FBXO34: variants seen among roughly 807,000 people sequenced by gnomAD.
FBXO34 encodes the protein F-box only protein 34.
In FBXO34, 12 loss-of-function variants were observed where a neutral mutation model predicts 24.5. The observed-to-expected ratio is 0.49, with a 90% confidence interval of 0.31 to 0.79. FBXO34 has a LOEUF of 0.79. FBXO34 is among the 30% of genes least tolerant of loss of function. The probability of loss-of-function intolerance (pLI) is 0.04; values close to 1 mark genes in which losing one functional copy is unlikely to be tolerated. For missense variants in FBXO34, 823 were observed against 857.7 expected, an observed-to-expected ratio of 0.96 and a Z score of 0.51; for synonymous variants, 320 against 311.9, an observed-to-expected ratio of 1.03 and a Z score of -0.27.
the FBXO34 span, among the ~76,000 whole-genome samples, chr14:55,386,668 C>G: frequency 2.6e-5 from 4 of 152,272 alleles, no homozygotes; most frequent in African/African-American, 9.6e-5. Flanking sequence ...GACACGCATG[C>G]CCAGCATTTT....
chr14:55,381,512 GATGA>G, the FBXO34 span, among the ~76,000 whole-genome samples: 7 of 152,136 alleles, frequency 4.6e-5, no homozygotes, highest in South Asian at 2.1e-4. Flanking sequence ...TCCATCAAGT[GATGA>G]ATGAATAAAT....
At chr14:55,417,803 A>G in the FBXO34 span, among the ~76,000 whole-genome samples, 1 of 152,212 alleles carries the variant, frequency 6.6e-6, no homozygotes, top group Non-Finnish European at 1.5e-5. Context: ...GGGAATAAAT[A>G]CCATTCCTAA....
the FBXO34 span, among the ~76,000 whole-genome samples, chr14:55,375,959 A>T: frequency 6.6e-6 from 1 of 152,242 alleles, no homozygotes; most frequent in Non-Finnish European, 1.5e-5. Flanking sequence ...ACTTGCTAGT[A>T]ATTTTCCCCC....
chr14:55,350,534 T>C lies in FBXO34; in HGVS notation c.144T>C (p.Phe48=). The change falls in exon 2 of 2, where the codon TTT becomes TTC. Residue 48 remains phenylalanine, a synonymous_variant. Transcript: ENST00000313833. ...CTAGCCACATAACATCAAGTGTCTT[T>C]CCTTCAGCCTCTCTCGGTAAAGCAT... The part of the protein sequence containing the change: ...CKASHITSSV[F]PSASLGKASS... 1 of 1,613,756 alleles carries C rather than the reference T, an allele frequency of 6.2e-7. No individual in the cohort carries two copies. The highest frequency in any genetic ancestry group is 1.3e-5 in the African/African-American group (1 of 74,932).
chr14:55,311,907 T>A (rs1200621391), intron 1 of FBXO34, among the ~76,000 whole-genome samples: 2 of 151,978 alleles, frequency 1.3e-5, no homozygotes, highest in Non-Finnish European at 2.9e-5. Context: ...ATTCATTAAA[T>A]CTTAAAGTTC....
chr14:55,346,515 G>T (rs1884165629), intron 1 of FBXO34, among the ~76,000 whole-genome samples: 1 of 152,208 alleles, frequency 6.6e-6, no homozygotes, highest in African/African-American at 2.4e-5. Context: ...CTACCAGGCT[G>T]TGGGATATGA....
At chr14:55,380,308 T>C in the FBXO34 span, among the ~76,000 whole-genome samples, 1 of 152,018 alleles carries the variant, frequency 6.6e-6, no homozygotes, top group Non-Finnish European at 1.5e-5. Flanking sequence ...ATTTAACATA[T>C]GAGGATCTGC....
intron 1 of FBXO34, among the ~76,000 whole-genome samples, chr14:55,341,692 T>G (rs181982325): frequency 2.6e-4 from 39 of 152,334 alleles, no homozygotes; most frequent in Non-Finnish European, 4.3e-4. Flanking sequence ...TCATCTGCAT[T>G]TTGTTGTTCA....
At chr14:55,423,007 A>G in the FBXO34 span, among the ~76,000 whole-genome samples, 1,816 of 152,364 alleles carry the variant, frequency 0.012, 34 homozygotes, top group African/African-American at 0.042. Flanking sequence ...AATAACAAAT[A>G]TAGCAAAGAA....
intron 1 of FBXO34, among the ~76,000 whole-genome samples, chr14:55,345,257 C>T (rs1884121603): frequency 6.6e-6 from 1 of 152,108 alleles, no homozygotes; most frequent in African/African-American, 2.4e-5. Context: ...TCCTTGACTC[C>T]TCTCCCTCAT....
intron 1 of FBXO34, among the ~76,000 whole-genome samples, chr14:55,331,474 CAAAT>C (rs1883529899): frequency 6.7e-6 from 1 of 149,542 alleles, no homozygotes; most frequent in Non-Finnish European, 1.5e-5. Context: ...CTATAAAGAG[CAAAT>C]AAATACATAA....
chr14:55,388,122 G>A, the FBXO34 span, among the ~76,000 whole-genome samples: 1 of 152,134 alleles, frequency 6.6e-6, no homozygotes, highest in South Asian at 2.1e-4. Flanking sequence ...GGGCGAAAGA[G>A]CGAGACTCCA....
At chr14:55,305,660 C>A (rs1338677986) in intron 1 of FBXO34, among the ~76,000 whole-genome samples, 3 of 148,210 alleles carry the variant, frequency 2.0e-5, no homozygotes, top group Non-Finnish European at 4.5e-5. Context: ...TGCCACTGCA[C>A]TCCTCAAAAA....
chr14:55,420,382 G>A, the FBXO34 span, among the ~76,000 whole-genome samples: 1 of 152,190 alleles, frequency 6.6e-6, no homozygotes, highest in Non-Finnish European at 1.5e-5. Context: ...GGTGAAAAGA[G>A]TCTAGAGACA....
At chr14:55,310,683 G>T (rs1882705255) in intron 1 of FBXO34, among the ~76,000 whole-genome samples, 2 of 152,160 alleles carry the variant, frequency 1.3e-5, no homozygotes, top group South Asian at 4.1e-4. Context: ...ATCCAGAAAT[G>T]ATTCTATACC....
intron 1 of FBXO34, among the ~76,000 whole-genome samples, 194 bp downstream of exon 1, chr14:55,271,731 G>A (rs79163357): frequency 0.3 from 44,922 of 151,070 alleles, 7,075 homozygotes; most frequent in East Asian, 0.34. Context: ...CCTCCGGTGC[G>A]GCTCTTTCCG....
downstream of FBXO34, among the ~76,000 whole-genome samples, chr14:55,362,359 A>G (rs952293061): frequency 6.6e-6 from 1 of 152,212 alleles, no homozygotes; most frequent in Admixed American, 6.5e-5. Flanking sequence ...GATATAATGA[A>G]GAGATTTGAA....
chr14:55,349,843 G>A (rs1013759630), intron 1 of FBXO34, among the ~76,000 whole-genome samples: 2 of 151,924 alleles, frequency 1.3e-5, no homozygotes, highest in South Asian at 2.1e-4. Flanking sequence ...CTGTCCCCAC[G>A]TGATACGCCT....
the FBXO34 span, among the ~76,000 whole-genome samples, chr14:55,381,641 C>G: frequency 6.6e-6 from 1 of 152,170 alleles, no homozygotes; most frequent in Non-Finnish European, 1.5e-5. Flanking sequence ...TGAAAGAAGT[C>G]TGACACAAAA....
Sources: gnomAD v4.1 joint callset for allele counts (sites outside exome capture counted in the v4.1 genomes callset) on GRCh38, gnomAD v4.1.1 for gene constraint, MANE v1.5 for transcripts, NCBI Gene and HGNC (gene_info 2026-07-23, HGNC 2026-07-21) for gene names.